CNTN5: variants seen among roughly 807,000 people sequenced by gnomAD.
The protein encoded by CNTN5 is contactin 5, also known as contactin-5.
A neutral mutation model predicts 129.1 loss-of-function variants in CNTN5; 77 were observed. The ratio of observed to expected loss-of-function variants is 0.60; its 90% confidence interval spans 0.50 to 0.72. The LOEUF (loss-of-function observed/expected upper bound fraction) is 0.72, where lower values mean the gene tolerates loss of function less well. Ranked by LOEUF, CNTN5 falls within the 30% of genes least tolerant of loss-of-function variation. The pLI is 0.00. For synonymous variants in CNTN5, 509 were observed against 465.6 expected, an observed-to-expected ratio of 1.09 and a Z score of -1.20; for missense variants, 1,478 against 1,328.8, an observed-to-expected ratio of 1.11 and a Z score of -1.75.
At chr11:99,139,094 C>A (rs924409568) in intron 1 of CNTN5, among the ~76,000 whole-genome samples, 1 of 14,202 alleles carries the variant, frequency 7.0e-5, no homozygotes, top group African/African-American at 4.2e-4. Context: ...ATCTCTACCC[C>A]CTCCCCACCC....
At chr11:99,998,645 G>GA (rs1376020278) in intron 8 of CNTN5, among the ~76,000 whole-genome samples, 10 of 128,652 alleles carry the variant, frequency 7.8e-5, no homozygotes, top group African/African-American at 1.8e-4. Context: ...CACAGAATTG[G>GA]AAAAAACTAC....
intron 15 of CNTN5, among the ~76,000 whole-genome samples, chr11:100,222,701 C>G (rs1949290434): frequency 1.3e-5 from 2 of 151,874 alleles, no homozygotes; most frequent in African/African-American, 4.8e-5. Context: ...AAGGCACTAT[C>G]TTTCAGACAG....
At chr11:100,278,136 G>T (rs1308138590) in intron 18 of CNTN5, among the ~76,000 whole-genome samples, 2 of 151,836 alleles carry the variant, frequency 1.3e-5, no homozygotes, top group Non-Finnish European at 3.0e-5. Flanking sequence ...ATGGATTTAT[G>T]TTGGAGGTCC....
intron 21 of CNTN5, chr11:100,336,895 A>G: frequency 1.8e-6 from 1 of 563,680 alleles, no homozygotes; most frequent in South Asian, 1.9e-5. Context: ...GCAGCAACTC[A>G]TAGGGCAGCC....
chr11:99,077,453 G>A (rs1865624101), intron 1 of CNTN5, among the ~76,000 whole-genome samples: 1 of 152,142 alleles, frequency 6.6e-6, no homozygotes, highest in Admixed American at 6.6e-5. Flanking sequence ...GATACAGTTT[G>A]TATATTATTT....
chr11:100,319,168 T>C (rs1367760901), intron 21 of CNTN5, among the ~76,000 whole-genome samples: 1 of 151,070 alleles, frequency 6.6e-6, no homozygotes, highest in Non-Finnish European at 1.5e-5. Context: ...TTTTTTTTTT[T>C]TTGAGATGGA....
chr11:99,044,419 C>T (rs1052814451), intron 1 of CNTN5, among the ~76,000 whole-genome samples: 1 of 152,280 alleles, frequency 6.6e-6, no homozygotes, highest in African/African-American at 2.4e-5. Flanking sequence ...GCCCGCCCAT[C>T]TTATTTACAA....
chr11:99,523,595 AAGAT>A (rs1947351251), intron 2 of CNTN5, among the ~76,000 whole-genome samples: 2 of 149,678 alleles, frequency 1.3e-5, no homozygotes, highest in African/African-American at 2.5e-5. Flanking sequence ...ATCTCAAAGA[AAGAT>A]AGAATAGAAT....
At position 100,061,340 on chromosome 11, in the gene CNTN5, G is replaced by C. The variant is rs557679651; in HGVS notation, c.1109G>C (p.Arg370Thr). 6.2e-7 allele frequency: 1 copy of C among 1,608,872 alleles called. No homozygotes were observed. Among genetic ancestry groups the C allele is most frequent in the South Asian group, 1.1e-5 (1 of 90,702 alleles). The change falls in exon 10 of 25, where the codon AGA becomes ACA. Residue 370 changes from arginine (R) to threonine (T), a missense_variant. Arg to Thr is a moderately conservative substitution (Grantham distance 71). Coordinates refer to ENST00000524871, the MANE Select transcript of CNTN5 (RefSeq NM_014361.4). ...QLDDAGIYECRAENSRGKNSF... is the reference protein window; with the variant it reads ...QLDDAGIYECTAENSRGKNSF... Reference sequence around the variant, plus strand: ...GATGATGCAGGCATTTATGAGTGCAGAGCTGAAAACTCACGTGGAAAAAAT... The same window carrying C: ...GATGATGCAGGCATTTATGAGTGCACAGCTGAAAACTCACGTGGAAAAAAT...
At chr11:99,841,279 T>G (rs903608801) in intron 4 of CNTN5, among the ~76,000 whole-genome samples, 2 of 152,170 alleles carry the variant, frequency 1.3e-5, no homozygotes, top group Non-Finnish European at 1.5e-5. Flanking sequence ...ATTAGTCCCT[T>G]ATTATTTAGC....
chr11:99,940,361 A>G (rs899010377), intron 7 of CNTN5, among the ~76,000 whole-genome samples: 1 of 152,172 alleles, frequency 6.6e-6, no homozygotes, highest in Non-Finnish European at 1.5e-5. Context: ...AAATAAAGAG[A>G]CAATAAACTA....
intron 2 of CNTN5, among the ~76,000 whole-genome samples, chr11:99,367,798 T>A (rs931583444): frequency 3.9e-5 from 6 of 152,068 alleles, no homozygotes; most frequent in Admixed American, 3.3e-4. Flanking sequence ...ATTGAATGAA[T>A]TAAGAACACC....
intron 24 of CNTN5, among the ~76,000 whole-genome samples, chr11:100,353,617 G>A (rs111737295): frequency 0.011 from 1,648 of 151,636 alleles, 39 homozygotes; most frequent in African/African-American, 0.036. Context: ...ATGCACATAC[G>A]ACTCCAGTGA....
chr11:99,726,969 T>C (rs1024491779), intron 3 of CNTN5, among the ~76,000 whole-genome samples: 1 of 152,160 alleles, frequency 6.6e-6, no homozygotes, highest in African/African-American at 2.4e-5. Flanking sequence ...CTTAGTCTAG[T>C]TTTTGTTCTA....
intron 13 of CNTN5, among the ~76,000 whole-genome samples, chr11:100,075,590 G>T (rs1944094931): frequency 6.6e-6 from 1 of 152,094 alleles, no homozygotes; most frequent in Admixed American, 6.6e-5. Flanking sequence ...GTGATCTAAT[G>T]GTTATAGACT....
intron 3 of CNTN5, among the ~76,000 whole-genome samples, chr11:99,767,959 G>C (rs533516747): frequency 1.9e-3 from 296 of 152,188 alleles, no homozygotes; most frequent in Middle Eastern, 6.8e-3. Flanking sequence ...TCAAACTAGA[G>C]TTTCATGGAC....
chr11:99,257,197 C>G (rs551713172), intron 1 of CNTN5, among the ~76,000 whole-genome samples: 1 of 152,148 alleles, frequency 6.6e-6, no homozygotes, highest in South Asian at 2.1e-4. Flanking sequence ...GGAATAAAAA[C>G]TCTATTGTTT....
intron 3 of CNTN5, among the ~76,000 whole-genome samples, chr11:99,790,410 A>G (rs992652862): frequency 2.0e-5 from 3 of 151,936 alleles, no homozygotes; most frequent in South Asian, 2.1e-4. Flanking sequence ...CCTACTTGTA[A>G]GACCATGCTG....
At chr11:99,125,075 A>C (rs746968238) in intron 1 of CNTN5, among the ~76,000 whole-genome samples, 6 of 152,226 alleles carry the variant, frequency 3.9e-5, no homozygotes, top group Middle Eastern at 3.4e-3. Context: ...AAACTATTAC[A>C]AAAAATTGAG....
Sources: gnomAD v4.1 joint callset for allele counts (sites outside exome capture counted in the v4.1 genomes callset) on GRCh38, gnomAD v4.1.1 for gene constraint, MANE v1.5 for transcripts, NCBI Gene and HGNC (gene_info 2026-07-23, HGNC 2026-07-21) for gene names.